TGDS: variants seen among roughly 807,000 people sequenced by gnomAD.
TGDS encodes UDP-D-glucose 4,6-dehydratase.
Under a neutral mutation model 52.3 loss-of-function variants are expected in TGDS, and 47 were observed. That is an observed-to-expected ratio of 0.90 (90% CI 0.71 to 1.15). The LOEUF is 1.15. Ranked by LOEUF, TGDS falls within the 50% of genes most tolerant of loss-of-function variation. The pLI is 0.00. For synonymous variants in TGDS, 115 were observed against 136.9 expected (o/e 0.84, Z 1.12); for missense variants, 375 against 418.4 (o/e 0.90, Z 0.90).
At chr13:94,574,948 C>A in intron 11 of TGDS, 96 bp from the exon 12 acceptor site, 1 of 688,432 alleles carries the variant, frequency 1.5e-6, no homozygotes. Flanking sequence ...CTAGCTAAGT[C>A]TTGCCCATCA....
At chr13:94,590,832 G>A (rs1889171562) in intron 4 of TGDS, 21 bp downstream of exon 4, 1 of 1,535,472 alleles carries the variant, frequency 6.5e-7, no homozygotes, top group South Asian at 1.3e-5. Context: ...AATCATAACT[G>A]TAACATAAAA....
chr13:94,587,841 CAA>C, intron 4 of TGDS, among the ~76,000 whole-genome samples: 1 of 150,762 alleles, frequency 6.6e-6, no homozygotes, highest in East Asian at 2.0e-4. Context: ...ATTAAAAATA[CAA>C]AAAATTAGCC....
intron 3 of TGDS, among the ~76,000 whole-genome samples, chr13:94,591,750 CAGAAT>C (rs764170094): frequency 1.3e-5 from 2 of 152,164 alleles, no homozygotes; most frequent in African/African-American, 2.4e-5. Flanking sequence ...CACTTTCACA[CAGAAT>C]AGAATTATGA....
chr13:94,578,679 T>C (rs1286464079), intron 8 of TGDS, 51 bp downstream of exon 8: 3 of 1,361,950 alleles, frequency 2.2e-6, no homozygotes, highest in Non-Finnish European at 3.1e-6. Flanking sequence ...TGTCACCAAA[T>C]ACTCTAACAT....
At position 94,596,147 on chromosome 13, in the gene TGDS, A is replaced by T; in HGVS notation, c.-11T>A. Reference sequence around the variant, plus strand: ...ACACGCCGCCGACATCTCCCAGCTCAGCAGTGCCTAGTACCGTAAAGAGTA... The same window carrying T: ...ACACGCCGCCGACATCTCCCAGCTCTGCAGTGCCTAGTACCGTAAAGAGTA... On this transcript the variant is annotated 5_prime_UTR_variant, in exon 1 of 12. Coordinates refer to ENST00000261296, the MANE Select transcript of TGDS (RefSeq NM_014305.4). 1 of 1,613,276 alleles carries T rather than the reference A, an allele frequency of 6.2e-7. No individual in the cohort carries two copies. The highest frequency in any genetic ancestry group is 1.3e-5 in the African/African-American group (1 of 75,058).
intron 10 of TGDS, among the ~76,000 whole-genome samples, chr13:94,577,163 TAGAA>T: frequency 6.6e-6 from 1 of 152,248 alleles, no homozygotes; most frequent in African/African-American, 2.4e-5. Context: ...ACTTCAGACT[TAGAA>T]AGGGTCAATA....
chr13:94,590,471 CATA>C (rs1215469222), intron 4 of TGDS, among the ~76,000 whole-genome samples: 1 of 151,854 alleles, frequency 6.6e-6, no homozygotes, highest in Non-Finnish European at 1.5e-5. Context: ...TGTTATATTT[CATA>C]ATAAAACTGT....
At chr13:94,596,017 G>T in intron 1 of TGDS, 34 bp downstream of exon 1, 1 of 1,612,180 alleles carries the variant, frequency 6.2e-7, no homozygotes, top group Non-Finnish European at 8.5e-7. Context: ...GGTTTCTGGG[G>T]AGCCACTGCT....
At chr13:94,580,021 C>A in intron 6 of TGDS, 68 bp from the exon 7 acceptor site, 1 of 1,092,744 alleles carries the variant, frequency 9.2e-7, no homozygotes, top group Non-Finnish European at 1.3e-6. Flanking sequence ...TAAAGATAAG[C>A]AGAATTTCAA....
chr13:94,581,489 A>G (rs1479916323), intron 5 of TGDS, among the ~76,000 whole-genome samples: 1 of 152,168 alleles, frequency 6.6e-6, no homozygotes, highest in Non-Finnish European at 1.5e-5. Flanking sequence ...AAGCTAGAGG[A>G]AGGCCATACC....
At chr13:94,593,051 G>C (rs1889262771) in intron 2 of TGDS, among the ~76,000 whole-genome samples, 1 of 152,074 alleles carries the variant, frequency 6.6e-6, no homozygotes. Flanking sequence ...CTACTCAGGA[G>C]GCTGGGGCAG....
chr13:94,581,054 G>A, intron 6 of TGDS, 37 bp downstream of exon 6: 1 of 1,241,778 alleles, frequency 8.1e-7, no homozygotes, highest in South Asian at 1.9e-5. Flanking sequence ...TAAGTCCAAA[G>A]GAAAATGTTT....
chr13:94,582,597 T>C (rs1193370731), intron 5 of TGDS, among the ~76,000 whole-genome samples: 1 of 152,212 alleles, frequency 6.6e-6, no homozygotes, highest in African/African-American at 2.4e-5. Context: ...GTATTGATCC[T>C]AGGTGTGTCT....
chr13:94,586,748 ATTATTTTT>A lies in TGDS; in HGVS notation c.314-3520_314-3513del, dbSNP rs376129838. ...ACCCACGGATGAGAGAAGAAATCAAATTATTTTTTTTTTTTTTTTTTTTTTTTTGAGAC... is the reference window on the plus strand; with the variant it reads ...ACCCACGGATGAGAGAAGAAATCAAATTTTTTTTTTTTTTTTTTTTGAGAC... On this transcript the variant is annotated intron_variant, in intron 4 of 11. Coordinates refer to ENST00000261296, the MANE Select transcript of TGDS (RefSeq NM_014305.4). Among the ~76,000 whole-genome samples, 40 of 88,436 alleles carry A rather than the reference ATTATTTTT, an allele frequency of 4.5e-4. 1 individual carries two copies. The highest frequency in any genetic ancestry group is 5.5e-4 in the South Asian group (1 of 1,826). The allele number at this position is 88,436 out of a possible 152,430, so 58.0% of individuals were successfully genotyped here.
At chr13:94,592,162 CAA>C in intron 3 of TGDS, 77 bp downstream of exon 3, 2 of 1,091,816 alleles carry the variant, frequency 1.8e-6, no homozygotes, top group Non-Finnish European at 2.6e-6. Flanking sequence ...CCACATTACA[CAA>C]GTTTGTAAAG....
At chr13:94,586,435 A>G (rs1030457514) in intron 4 of TGDS, among the ~76,000 whole-genome samples, 6 of 152,232 alleles carry the variant, frequency 3.9e-5, no homozygotes, top group Admixed American at 6.5e-5. Flanking sequence ...TCATAAGTAT[A>G]AAAGGTTCAA....
chr13:94,589,140 AAC>A (rs1326533497), intron 4 of TGDS, among the ~76,000 whole-genome samples: 1 of 152,142 alleles, frequency 6.6e-6, no homozygotes, highest in Non-Finnish European at 1.5e-5. Flanking sequence ...TGTTCATCAA[AAC>A]ACACTGTCAA....
At chr13:94,592,406 T>A (rs1270032442) in intron 2 of TGDS, 97 bp from the exon 3 acceptor site, 1 of 920,764 alleles carries the variant, frequency 1.1e-6, no homozygotes, top group Non-Finnish European at 1.6e-6. Context: ...ATGTTACTGG[T>A]TACAATACAA....
At chr13:94,585,086 G>A (rs1214192900) in intron 4 of TGDS, among the ~76,000 whole-genome samples, 1 of 150,656 alleles carries the variant, frequency 6.6e-6, no homozygotes, top group Non-Finnish European at 1.5e-5. Flanking sequence ...CTCTCTCTCT[G>A]TTGCCCAGGC....
Sources: gnomAD v4.1 joint callset for allele counts (sites outside exome capture counted in the v4.1 genomes callset) on GRCh38, gnomAD v4.1.1 for gene constraint, MANE v1.5 for transcripts, NCBI Gene and HGNC (gene_info 2026-07-23, HGNC 2026-07-21) for gene names.